NCBP1: variants seen among roughly 807,000 people sequenced by gnomAD.
The protein encoded by NCBP1 is nuclear cap binding protein subunit 1.
NCBP1 carries 16 observed loss-of-function variants against 111.7 expected under a neutral mutation model. The ratio of observed to expected loss-of-function variants is 0.14; its 90% confidence interval spans 0.10 to 0.22. NCBP1 has a LOEUF of 0.22. Ranked by LOEUF, NCBP1 falls within the 10% of genes least tolerant of loss-of-function variation. The probability of loss-of-function intolerance (pLI) is 1.00; values close to 1 mark genes in which losing one functional copy is unlikely to be tolerated. For synonymous variants in NCBP1, 304 were observed against 314.3 expected (o/e 0.97, Z 0.35); for missense variants, 607 against 957.5 (o/e 0.63, Z 4.83).
intron 22 of NCBP1, among the ~76,000 whole-genome samples, chr9:97,670,849 T>C (rs1046357578): frequency 1.3e-5 from 2 of 152,252 alleles, no homozygotes; most frequent in African/African-American, 2.4e-5. Flanking sequence ...TCTGTTTACA[T>C]AGAAGTTGGT....
At chr9:97,634,054 T>A in intron 1 of NCBP1, 139 bp downstream of exon 1, 1 of 1,118,762 alleles carries the variant, frequency 8.9e-7, no homozygotes, top group South Asian at 1.7e-5. Context: ...GAGGAGAATA[T>A]GGTGGCGGTG....
At chr9:97,658,427 C>T (rs373084219) in intron 14 of NCBP1, among the ~76,000 whole-genome samples, 4 of 152,232 alleles carry the variant, frequency 2.6e-5, no homozygotes, top group East Asian at 1.9e-4. Context: ...CTCACTCACC[C>T]GCACCTCAGT....
At chr9:97,651,481 T>C in intron 10 of NCBP1, 108 bp downstream of exon 10, 2 of 981,196 alleles carry the variant, frequency 2.0e-6, no homozygotes, top group Non-Finnish European at 2.9e-6. Context: ...TATTGCTACT[T>C]GTCCAGCATT....
chr9:97,647,840 C>G (rs932345132), intron 7 of NCBP1, among the ~76,000 whole-genome samples, 168 bp from the exon 8 acceptor site: 1 of 152,190 alleles, frequency 6.6e-6, no homozygotes, highest in African/African-American at 2.4e-5. Context: ...CAGTTCCAAA[C>G]AGGTAGACTT....
intron 4 of NCBP1, among the ~76,000 whole-genome samples, 161 bp downstream of exon 4, chr9:97,643,521 T>G (rs943048497): frequency 6.6e-6 from 1 of 152,142 alleles, no homozygotes; most frequent in Non-Finnish European, 1.5e-5. Flanking sequence ...AATCTGTAAC[T>G]GTATCTCCAA....
chr9:97,648,236 C>A lies in NCBP1; in HGVS notation c.897+13C>A. ...AGATGATCCCGAGGTAAGTGACCGA[C>A]TAAAAGTCCTAGATATTGACCTGTG... On this transcript the variant is annotated intron_variant, in intron 8 of 22. Coordinates refer to ENST00000375147, the MANE Select transcript of NCBP1 (RefSeq NM_002486.5). 1.2e-6 allele frequency: 2 copies of A among 1,610,586 alleles called. No homozygotes were observed. The highest frequency in any genetic ancestry group is 1.7e-6 in the Non-Finnish European group (2 of 1,177,046).
intron 19 of NCBP1, among the ~76,000 whole-genome samples, chr9:97,665,236 TAAAC>T (rs1827959994): frequency 6.6e-6 from 1 of 152,250 alleles, no homozygotes; most frequent in Admixed American, 6.5e-5. Flanking sequence ...TTGGCCTTCA[TAAAC>T]AAAGACAACA....
chr9:97,645,628 T>C lies in NCBP1; in HGVS notation c.507T>C (p.Tyr169=). The change falls in exon 6 of 23, where the codon TAT becomes TAC. Residue 169 remains tyrosine, a synonymous_variant. Transcript: ENST00000375147. The part of the protein sequence containing the change: ...EDVPQVRRDW[Y]VYAFLSSLPW... Reference sequence around the variant, plus strand: ...TCCTTTAGGTGCGACGAGATTGGTATGTGTATGCATTTCTGTCATCTTTGC... The same window carrying C: ...TCCTTTAGGTGCGACGAGATTGGTACGTGTATGCATTTCTGTCATCTTTGC... 1 of 1,613,770 alleles carries C rather than the reference T, an allele frequency of 6.2e-7. No homozygotes were observed. Among genetic ancestry groups the C allele is most frequent in the South Asian group, 1.1e-5 (1 of 91,016 alleles).
chr9:97,671,717 C>A lies in NCBP1; in HGVS notation c.*518C>A, dbSNP rs1346292391. 3 of 152,196 alleles carry A rather than the reference C, an allele frequency of 2.0e-5. No individual in the cohort carries two copies. In the East Asian group the frequency reaches 5.8e-4, roughly 29 times the overall value. The allele number at this position is 152,196 out of a possible 1,614,324, so 9.4% of individuals were successfully genotyped here. ...AGGTGTTCTCCATTTGAAATTTTAT[C>A]TTCAAAGTATTTTTAAGTAGTATCT... is the stretch of plus-strand genomic sequence containing the variant. On this transcript the variant is annotated 3_prime_UTR_variant, in exon 23 of 23. Coordinates refer to ENST00000375147, the MANE Select transcript of NCBP1 (RefSeq NM_002486.5).
intron 4 of NCBP1, 110 bp from the exon 5 acceptor site, chr9:97,645,007 C>T (rs1462979879): frequency 1.3e-6 from 1 of 754,758 alleles, no homozygotes; most frequent in Non-Finnish European, 2.2e-6. Flanking sequence ...AGATTCAGCC[C>T]TTAGGCTATA....
intron 11 of NCBP1, 74 bp downstream of exon 11, chr9:97,653,982 G>A: frequency 7.5e-7 from 1 of 1,340,814 alleles, no homozygotes; most frequent in Non-Finnish European, 1.0e-6. Flanking sequence ...TTCTGCTTGT[G>A]GGTTTAAATT....
At chr9:97,670,714 CG>C (rs1304113563) in intron 22 of NCBP1, among the ~76,000 whole-genome samples, 1 of 152,128 alleles carries the variant, frequency 6.6e-6, no homozygotes, top group Non-Finnish European at 1.5e-5. Flanking sequence ...CCTGTCAGTC[CG>C]TCTGGCTGCT....
chr9:97,646,654 G>A (rs1174928396), intron 6 of NCBP1, among the ~76,000 whole-genome samples: 1 of 151,920 alleles, frequency 6.6e-6, no homozygotes, highest in African/African-American at 2.4e-5. Flanking sequence ...TGGCCAACAT[G>A]GTGAAAACCC....
At chr9:97,660,831 C>A in intron 15 of NCBP1, 115 bp from the exon 16 acceptor site, 1 of 1,200,840 alleles carries the variant, frequency 8.3e-7, no homozygotes, top group Non-Finnish European at 1.1e-6. Context: ...GGATAAAGAG[C>A]ATCCTATTTT....
rs957056643 is a variant in NCBP1, at chr9:97,661,941, CTG to C, written c.1601-97_1601-96del. 5.3e-5 allele frequency: 34 copies of C among 642,324 alleles called. No individual in the cohort carries two copies. The African/African-American group carries it at 5.7e-4, about 11-fold the overall frequency. The allele number at this position is 642,324 out of a possible 1,614,324, so 39.8% of individuals were successfully genotyped here. A position where few individuals can be genotyped will look rare whatever the true frequency, so the allele number is the denominator to read the frequency against. The stretch of plus-strand genomic sequence containing the variant: ...GAACCAAAAAACATTACACAAATAT[CTG>C]TGTATAGATGTGAGCAACCATCTAT... On this transcript the variant is annotated intron_variant, in intron 16 of 22. Transcript: ENST00000375147.
chr9:97,670,964 CT>C (rs888658855), intron 22 of NCBP1, 121 bp from the exon 23 acceptor site: 36 of 565,064 alleles, frequency 6.4e-5, no homozygotes, highest in Middle Eastern at 2.7e-4. Context: ...CCTATCAGCA[CT>C]TTTTTTTCCC....
chr9:97,666,131 C>A (rs1827995628), intron 19 of NCBP1, among the ~76,000 whole-genome samples: 1 of 152,140 alleles, frequency 6.6e-6, no homozygotes, highest in Non-Finnish European at 1.5e-5. Context: ...TTTATAGACA[C>A]AAAAGTAGCT....
At chr9:97,637,401 T>G (rs58146508) in intron 1 of NCBP1, among the ~76,000 whole-genome samples, 17,745 of 152,252 alleles carry the variant, frequency 0.12, 2,933 homozygotes, top group African/African-American at 0.36. Context: ...TTTAAGAAAG[T>G]ATTTAGATTG....
At chr9:97,648,303 G>A (rs1827403137) in intron 8 of NCBP1, 80 bp downstream of exon 8, 1 of 1,304,528 alleles carries the variant, frequency 7.7e-7, no homozygotes, top group African/African-American at 1.5e-5. Context: ...AATTATGCCT[G>A]TGGTATGTTT....
Sources: allele counts gnomAD v4.1 joint callset (sites outside exome capture counted in the v4.1 genomes callset), GRCh38; gene constraint gnomAD v4.1.1; transcripts MANE v1.5; gene names NCBI Gene and HGNC (gene_info 2026-07-23, HGNC 2026-07-21).